The following MYH7B variants were observed in gnomAD, a reference collection of about 807,000 sequenced individuals.
The protein encoded by MYH7B is myosin-7B.
MYH7B carries 205 observed loss-of-function variants against 234.5 expected under a neutral mutation model. The observed-to-expected ratio is 0.87, with a 90% CI of 0.78 to 0.98. The LOEUF is 0.98. Among genes scored for constraint, MYH7B ranks in the 50% least tolerant of loss-of-function variants. The pLI, the probability that MYH7B is intolerant of heterozygous loss-of-function variation, is 0.00. For missense variants in MYH7B, 2,652 were observed against 2,633.4 expected (o/e 1.01, Z -0.15); for synonymous variants, 1,193 against 1,105.0 (o/e 1.08, Z -1.58).
intron 22 of MYH7B, 164 bp downstream of exon 22, chr20:34,990,474 G>A (rs751859426): frequency 1.4e-5 from 13 of 931,378 alleles, no homozygotes; most frequent in Middle Eastern, 2.1e-4. Flanking sequence ...GCTGCTTCCC[G>A]TCCCTACGCT....
At chr20:34,998,876 C>A in exon 35 of MYH7B, 2 of 1,613,200 alleles carry the variant, frequency 1.2e-6, no homozygotes, top group Non-Finnish European at 1.7e-6. Flanking sequence ...AAGTACGAAG[C>A]AGATGCCATC....
intron 27 of MYH7B, 90 bp downstream of exon 27, chr20:34,994,491 T>C: frequency 7.1e-7 from 1 of 1,405,100 alleles, no homozygotes. Context: ...CCCATGGGGC[T>C]CAGGCCTTAT....
chr20:35,001,621 C>T (rs756764119), intron 43 of MYH7B, 95 bp downstream of exon 43: 11 of 1,104,922 alleles, frequency 1.0e-5, no homozygotes, highest in African/African-American at 1.6e-5. Flanking sequence ...CTCCACCCTC[C>T]AAGGTCAGTG....
At chr20:34,971,556 G>A (rs1443875238) in intron 2 of MYH7B, among the ~76,000 whole-genome samples, 1 of 152,176 alleles carries the variant, frequency 6.6e-6, no homozygotes, top group East Asian at 1.9e-4. Flanking sequence ...GCCCCAGGAG[G>A]GGTACAAACC....
In MYH7B at chr20:34,980,554, A is replaced by G. The variant is rs368264434; in HGVS notation, c.343-24A>G. 2.4e-5 allele frequency: 38 copies of G among 1,594,102 alleles called. No individual in the cohort carries two copies. The African/African-American group carries it at 5.1e-4, about 21-fold the overall frequency. ...CTCCATCTCAAAAACAACAACATAA[A>G]CCCTACCTATACTCTCTCTTCAGAC... On this transcript the variant is annotated intron_variant, in intron 7 of 44. Coordinates refer to ENST00000262873, the Ensembl canonical transcript of MYH7B.
chr20:34,966,288 T>C (rs373832409), intron 2 of MYH7B, among the ~76,000 whole-genome samples: 2 of 152,152 alleles, frequency 1.3e-5, no homozygotes, highest in Non-Finnish European at 2.9e-5. Flanking sequence ...ATACATACCA[T>C]GAGTACCACT....
At chr20:34,996,670 C>G (rs979375719) in exon 30 of MYH7B, 5 of 1,613,430 alleles carry the variant, frequency 3.1e-6, no homozygotes, top group Non-Finnish European at 2.5e-6. Flanking sequence ...GCGGGCCAAG[C>G]GCAAGCTGGA....
At chr20:34,970,893 C>T (rs1262976559) in intron 2 of MYH7B, among the ~76,000 whole-genome samples, 2 of 152,154 alleles carry the variant, frequency 1.3e-5, no homozygotes, top group Non-Finnish European at 2.9e-5. Context: ...ATCGACAATA[C>T]TCAGACTGGC....
At position 34,971,966 on chromosome 20, in the gene MYH7B, C is replaced by T. The variant is rs555761217; in HGVS notation, c.-221-3434C>T. Among the ~76,000 whole-genome samples, 8 of 152,222 alleles carry T rather than the reference C, an allele frequency of 5.3e-5. No homozygotes were observed. The South Asian group carries it at 6.2e-4, about 12-fold the overall frequency. ...CTGCAGCTGGTGGGGCTGCTTGGGCCCATCTTCACCCCCTACCCTGCCTTG... is the reference window on the plus strand; with the variant it reads ...CTGCAGCTGGTGGGGCTGCTTGGGCTCATCTTCACCCCCTACCCTGCCTTG... On this transcript the variant is annotated intron_variant, in intron 2 of 44. Coordinates refer to ENST00000262873, the Ensembl canonical transcript of MYH7B.
chr20:34,957,399 C>T (rs984250628), intron 1 of MYH7B, among the ~76,000 whole-genome samples: 1 of 151,026 alleles, frequency 6.6e-6, no homozygotes, highest in Non-Finnish European at 1.5e-5. Context: ...TGGAGCGAAG[C>T]GAACAGATCA....
At chr20:34,987,949 T>G (rs762591844) in intron 18 of MYH7B, 35 bp downstream of exon 18, 1 of 1,565,806 alleles carries the variant, frequency 6.4e-7, no homozygotes. Flanking sequence ...CTCTGTTCTC[T>G]CCAAGGTAGA....
Position 34,995,429 on chromosome 20 carries a change from CG to C in MYH7B, c.2796del (p.Leu933TrpfsTer7). The C allele has an allele frequency of 1.2e-6, 2 of 1,613,442 alleles. No individual in the cohort carries two copies. The highest frequency in any genetic ancestry group is 1.7e-6 in the Non-Finnish European group (2 of 1,179,752). On this transcript the variant is annotated frameshift_variant, in exon 28 of 45. Transcript: ENST00000262873. LOFTEE classifies it high-confidence loss of function. ...GGGGAAGGTGAAGGAGCTGAGTGAGCGGCTGGAGGATGAGGAGGAGGTGAAC... is the reference window on the plus strand; with the variant it reads ...GGGGAAGGTGAAGGAGCTGAGTGAGCGCTGGAGGATGAGGAGGAGGTGAAC...
At chr20:34,979,156 G>A (rs1305292604) in intron 5 of MYH7B, among the ~76,000 whole-genome samples, 1 of 152,168 alleles carries the variant, frequency 6.6e-6, no homozygotes, top group African/African-American at 2.4e-5. Context: ...AGCAGGAATT[G>A]GAACCCAACC....
chr20:34,995,267 T>C, intron 27 of MYH7B, 69 bp from the exon 28 acceptor site: 2 of 1,519,592 alleles, frequency 1.3e-6, no homozygotes, highest in Non-Finnish European at 1.8e-6. Flanking sequence ...CTCCAGGGCC[T>C]GGCCTGGTGT....
chr20:34,989,638 TG>T, intron 19 of MYH7B, 101 bp from the exon 20 acceptor site: 1 of 1,190,980 alleles, frequency 8.4e-7, no homozygotes, highest in Non-Finnish European at 1.2e-6. Context: ...GCTGGGGATC[TG>T]GGAAGGCTCC....
At position 34,996,740 on chromosome 20, in the gene MYH7B, TGGA is replaced by T. The variant is rs762599007; in HGVS notation, c.3253_3255del (p.Glu1085del). On this transcript the variant is annotated inframe_deletion, in exon 30 of 45. Coordinates refer to ENST00000262873, the Ensembl canonical transcript of MYH7B. ...GATGCTGCTCAAGACAAGCAGCAGCTGGAGGAGAAGCTCAAGAAGTAGGTGTGG... is the reference window on the plus strand; with the variant it reads ...GATGCTGCTCAAGACAAGCAGCAGCTGGAGAAGCTCAAGAAGTAGGTGTGG... 6 of 1,612,422 alleles carry T rather than the reference TGGA, an allele frequency of 3.7e-6. No individual in the cohort carries two copies. The highest frequency in any genetic ancestry group is 5.1e-6 in the Non-Finnish European group (6 of 1,179,532).
At chr20:34,977,551 C>T in intron 3 of MYH7B, 81 bp from the exon 4 acceptor site, 1 of 1,392,260 alleles carries the variant, frequency 7.2e-7, no homozygotes, top group South Asian at 1.2e-5. Context: ...GGGAATTTGC[C>T]TTTTGTGTCC....
At chr20:34,959,050 G>A (rs971713447) in intron 2 of MYH7B, among the ~76,000 whole-genome samples, 3 of 152,224 alleles carry the variant, frequency 2.0e-5, no homozygotes, top group African/African-American at 7.2e-5. Context: ...TCCCTTCACA[G>A]CCTTTCAAGG....
At chr20:34,963,055 G>A (rs1446093237) in intron 2 of MYH7B, among the ~76,000 whole-genome samples, 4 of 152,334 alleles carry the variant, frequency 2.6e-5, no homozygotes, top group African/African-American at 9.6e-5. Context: ...CTGAGATCGC[G>A]ACACTGCACT....
Sources: allele counts gnomAD v4.1 joint callset (sites outside exome capture counted in the v4.1 genomes callset), GRCh38; gene constraint gnomAD v4.1.1; transcripts MANE v1.5; gene names NCBI Gene and HGNC (gene_info 2026-07-23, HGNC 2026-07-21).